PCNT: variants seen among roughly 807,000 people sequenced by gnomAD.
PCNT encodes pericentrin.
In PCNT, 319 loss-of-function variants were observed where a neutral mutation model predicts 380.4. The observed-to-expected ratio is 0.84, with a 90% CI of 0.77 to 0.92. The LOEUF (loss-of-function observed/expected upper bound fraction) is 0.92. Ranked by LOEUF, PCNT falls within the 40% of genes least tolerant of loss-of-function variation. The pLI is 0.00. For missense variants in PCNT, 4,400 were observed against 4,255.3 expected, an observed-to-expected ratio of 1.03 and a Z score of -0.95; for synonymous variants, 1,845 against 1,735.2, an observed-to-expected ratio of 1.06 and a Z score of -1.57.
intron 21 of PCNT, among the ~76,000 whole-genome samples, chr21:46,392,815 C>G (rs954688872): frequency 6.6e-6 from 1 of 152,194 alleles, no homozygotes; most frequent in Non-Finnish European, 1.5e-5. Flanking sequence ...TTATCCCGTT[C>G]TATTTTTTAT....
At chr21:46,439,196 C>T (rs1402932000) in intron 41 of PCNT, among the ~76,000 whole-genome samples, 1 of 152,134 alleles carries the variant, frequency 6.6e-6, no homozygotes. Flanking sequence ...CATAAGTAAC[C>T]ACCATTCACA....
At chr21:46,412,237 G>A (rs1005513131) in intron 28 of PCNT, among the ~76,000 whole-genome samples, 170 bp downstream of exon 28, 1 of 152,228 alleles carries the variant, frequency 6.6e-6, no homozygotes, top group African/African-American at 2.4e-5. Context: ...GGCCTGTTCC[G>A]TGTCAGTACG....
chr21:46,443,998 GC>G (rs1171161318), intron 45 of PCNT, 50 bp downstream of exon 45: 1 of 1,582,690 alleles, frequency 6.3e-7, no homozygotes, highest in Non-Finnish European at 8.6e-7. Flanking sequence ...TCTCCCTCCA[GC>G]CTACATAGGG....
At chr21:46,439,323 C>G (rs886126587) in intron 41 of PCNT, among the ~76,000 whole-genome samples, 4 of 152,120 alleles carry the variant, frequency 2.6e-5, no homozygotes, top group African/African-American at 9.7e-5. Flanking sequence ...ACCTCCTAAA[C>G]TGGCTTTTTT....
At chr21:46,366,112 T>C (rs75189206) in intron 14 of PCNT, among the ~76,000 whole-genome samples, 1 of 152,140 alleles carries the variant, frequency 6.6e-6, no homozygotes, top group African/African-American at 2.4e-5. Flanking sequence ...TGCCATGGGG[T>C]TCAATTCACT....
At chr21:46,324,770 T>C (rs1045699601) in intron 1 of PCNT, 136 of 613,016 alleles carry the variant, frequency 2.2e-4, no homozygotes, top group Non-Finnish European at 2.3e-4. Flanking sequence ...CTGCTTGGTC[T>C]AGGGCCAGTT....
intron 6 of PCNT, 83 bp downstream of exon 6, chr21:46,347,595 C>T (rs76835219): frequency 2.4e-6 from 3 of 1,275,124 alleles, no homozygotes; most frequent in African/African-American, 1.5e-5. Context: ...ACGCTCCTCA[C>T]CTTGATTCAG....
intron 13 of PCNT, among the ~76,000 whole-genome samples, chr21:46,361,745 C>T (rs113571751): frequency 1.3e-5 from 2 of 152,224 alleles, no homozygotes; most frequent in African/African-American, 4.8e-5. Flanking sequence ...CTGTGCTGCA[C>T]ACATTTTCTC....
chr21:46,422,214 C>G, intron 32 of PCNT, 90 bp downstream of exon 32: 1 of 1,505,602 alleles, frequency 6.6e-7, no homozygotes, highest in Non-Finnish European at 9.1e-7. Flanking sequence ...CGGGGAGAGC[C>G]TTGGAGGGCC....
intron 37 of PCNT, 84 bp from the exon 38 acceptor site, chr21:46,431,445 A>G: frequency 6.2e-7 from 1 of 1,610,382 alleles, no homozygotes; most frequent in East Asian, 2.2e-5. Context: ...GGGCTAAAGT[A>G]TATAAACAAA....
chr21:46,363,922 T>C lies in PCNT; in HGVS notation c.2597T>C (p.Leu866Pro). Reference protein sequence around the residue: ...VKEDCALQLMLARSRFLEERK... With the variant: ...VKEDCALQLMPARSRFLEERK... The stretch of plus-strand genomic sequence containing the variant: ...GAAGACTGCGCCCTGCAGCTGATGC[T>C]GGCCCGGAGCAGGTGGGTTTGCAGT... Residue 866 changes from leucine (L) to proline (P), a missense_variant, in exon 14 of 47, where the codon CTG becomes CCG. Physicochemically the swap from Leu to Pro is moderately conservative, Grantham distance 98. Coordinates refer to ENST00000359568, the MANE Select transcript of PCNT (RefSeq NM_006031.6). The C allele has an allele frequency of 6.2e-7, 1 of 1,608,086 alleles. No individual in the cohort carries two copies. Among genetic ancestry groups the C allele is most frequent in the Non-Finnish European group, 8.5e-7 (1 of 1,179,792 alleles).
intron 38 of PCNT, among the ~76,000 whole-genome samples, chr21:46,435,290 A>G (rs192250819): frequency 3.3e-5 from 5 of 152,196 alleles, no homozygotes; most frequent in South Asian, 2.1e-4. Context: ...CAGTGGCGCA[A>G]TCTCAGCTCA....
At chr21:46,353,640 G>A (rs534646405) in intron 10 of PCNT, among the ~76,000 whole-genome samples, 6 of 148,538 alleles carry the variant, frequency 4.0e-5, no homozygotes, top group Non-Finnish European at 9.1e-5. Context: ...CCAGGCCTGC[G>A]TGTGTGTGTG....
intron 41 of PCNT, among the ~76,000 whole-genome samples, chr21:46,439,836 T>G (rs983565919): frequency 5.9e-5 from 9 of 152,334 alleles, no homozygotes; most frequent in Middle Eastern, 3.4e-3. Context: ...AAATGTACCT[T>G]TTTTGCAATC....
intron 15 of PCNT, among the ~76,000 whole-genome samples, chr21:46,371,754 C>T (rs939519778): frequency 5.3e-5 from 8 of 152,244 alleles, no homozygotes; most frequent in South Asian, 2.1e-4. Context: ...GCCACCACCC[C>T]GCCTGCTGGT....
chr21:46,387,036 C>T lies in PCNT; in HGVS notation c.3464+1053C>T, dbSNP rs374683558. On this transcript the variant is annotated intron_variant, in intron 17 of 46. Coordinates refer to ENST00000359568, the MANE Select transcript of PCNT (RefSeq NM_006031.6). ...GGCCTCTGAGTCCTGCTGCTGCTCC[C>T]GTCTTTGTGTCCCCACTCGAGGCCT... Among the ~76,000 whole-genome samples, 10 of 152,298 alleles carry T rather than the reference C, an allele frequency of 6.6e-5. No individual in the cohort carries two copies. The South Asian group carries it at 1.0e-3, about 16-fold the overall frequency.
At chr21:46,410,210 G>C (rs192728701) in intron 27 of PCNT, among the ~76,000 whole-genome samples, 29 of 152,314 alleles carry the variant, frequency 1.9e-4, no homozygotes, top group Middle Eastern at 3.4e-3. Context: ...CTAAATGCAT[G>C]GTGTTGTTCA....
intron 35 of PCNT, among the ~76,000 whole-genome samples, chr21:46,429,181 G>A (rs778717138): frequency 2.6e-5 from 4 of 152,158 alleles, no homozygotes; most frequent in Non-Finnish European, 5.9e-5. Flanking sequence ...CCCTTGTCCC[G>A]GCGCCCATGC....
At chr21:46,424,764 G>A (rs1034670414) in intron 32 of PCNT, among the ~76,000 whole-genome samples, 3 of 80,788 alleles carry the variant, frequency 3.7e-5, no homozygotes, top group Non-Finnish European at 7.2e-5. Context: ...CCCCGTCTCC[G>A]CTCCTCCCCG....
Sources: allele counts gnomAD v4.1 joint callset (sites outside exome capture counted in the v4.1 genomes callset), GRCh38; gene constraint gnomAD v4.1.1; transcripts MANE v1.5; gene names NCBI Gene and HGNC (gene_info 2026-07-23, HGNC 2026-07-21).